The following MGA variants were observed in gnomAD, a reference collection of about 807,000 sequenced individuals.
MGA encodes MAX gene-associated protein.
Under a neutral mutation model 261.1 loss-of-function variants are expected in MGA, and 40 were observed. That is an observed-to-expected ratio of 0.15 (90% CI 0.12 to 0.20). The LOEUF (loss-of-function observed/expected upper bound fraction) is 0.20. Ranked by LOEUF, MGA falls within the 10% of genes least tolerant of loss-of-function variation. The pLI, the probability that MGA is intolerant of heterozygous loss-of-function variation, is 1.00. For missense variants in MGA, 3,397 were observed against 3,630.5 expected, an observed-to-expected ratio of 0.94 and a Z score of 1.65; for synonymous variants, 1,302 against 1,290.6, an observed-to-expected ratio of 1.01 and a Z score of -0.19.
At chr15:41,662,644 C>T (rs1020570648) in intron 1 of MGA, among the ~76,000 whole-genome samples, 21 of 152,118 alleles carry the variant, frequency 1.4e-4, no homozygotes, top group Admixed American at 1.3e-3. Context: ...CTGTCTTTGC[C>T]ACCATTTGCT....
intron 9 of MGA, among the ~76,000 whole-genome samples, chr15:41,715,137 C>CTTTTTTTTTTTT (rs766195852): frequency 8.0e-6 from 1 of 124,560 alleles, no homozygotes; most frequent in Non-Finnish European, 1.6e-5. Flanking sequence ...TGGTTTCTGT[C>CTTTTTTTTTTTT]TTTTTTTTTT....
At position 41,669,045 on chromosome 15, in the gene MGA, G is replaced by T; in HGVS notation, c.151G>T (p.Ala51Ser). The change falls in exon 2 of 24, where the codon GCT becomes TCT. Residue 51 changes from alanine (A) to serine (S), a missense_variant. By Grantham distance (99) the Ala-to-Ser change is moderately conservative (BLOSUM62 1). Coordinates refer to ENST00000219905, the MANE Select transcript of MGA (RefSeq NM_001164273.2). ...TACTAATCAGGATGCCTGTGCTTTG[G>T]CTAGTAGTGTGTCATCACCAGTAAA... 1 of 1,613,244 alleles carries T rather than the reference G, an allele frequency of 6.2e-7. No homozygotes were observed.
At chr15:41,699,007 A>G in intron 4 of MGA, 57 bp from the exon 5 acceptor site, 1 of 1,549,812 alleles carries the variant, frequency 6.5e-7, no homozygotes, top group Non-Finnish European at 8.8e-7. Context: ...AACATGCAAC[A>G]TTCATTTGTC....
At chr15:41,656,171 G>A (rs745902942), upstream of MGA, among the ~76,000 whole-genome samples, 1 of 152,212 alleles carries the variant, frequency 6.6e-6, no homozygotes, top group Middle Eastern at 3.4e-3. Flanking sequence ...GAGGGTTAGG[G>A]CAAGCGTCTT....
intron 13 of MGA, among the ~76,000 whole-genome samples, chr15:41,737,661 C>T (rs1161166203): frequency 2.0e-5 from 3 of 152,002 alleles, no homozygotes; most frequent in African/African-American, 7.2e-5. Context: ...TGAAAAGAGA[C>T]GTTCTGAATT....
At chr15:41,703,297 A>G (rs551022722) in intron 5 of MGA, among the ~76,000 whole-genome samples, 5 of 150,448 alleles carry the variant, frequency 3.3e-5, no homozygotes, top group African/African-American at 1.2e-4. Context: ...ATACATTAAC[A>G]TGATTTATCA....
At chr15:41,657,564 C>G (rs2057232609), upstream of MGA, among the ~76,000 whole-genome samples, 1 of 151,394 alleles carries the variant, frequency 6.6e-6, no homozygotes, top group Non-Finnish European at 1.5e-5. Flanking sequence ...CCATGTTGGC[C>G]AGACTGGTCT....
chr15:41,668,745 T>C lies in MGA; in HGVS notation c.-67-83T>C, dbSNP rs188709731. The C allele has an allele frequency of 7.8e-5, 40 of 515,586 alleles. No homozygotes were observed. In the East Asian group the frequency reaches 1.2e-3, roughly 15 times the overall value. 31.9% of individuals were successfully genotyped at this position (515,586 alleles called of 1,614,324 possible). A position where few individuals can be genotyped will look rare whatever the true frequency, so the allele number is the denominator to read the frequency against. On this transcript the variant is annotated intron_variant, in intron 1 of 23. Coordinates refer to ENST00000219905, the MANE Select transcript of MGA (RefSeq NM_001164273.2). ...AATATTTTGGGGATAACATAATCGTTCTTGTATTTTTGTTCAAGAAATAAA... is the reference window on the plus strand; with the variant it reads ...AATATTTTGGGGATAACATAATCGTCCTTGTATTTTTGTTCAAGAAATAAA...
intron 1 of MGA, among the ~76,000 whole-genome samples, chr15:41,642,793 A>G (rs557818269): frequency 2.7e-5 from 4 of 149,904 alleles, no homozygotes; most frequent in Admixed American, 1.3e-4. Context: ...TATTTTTAGT[A>G]GAGATGGGGT....
chr15:41,755,358 C>G (rs1292565485), intron 18 of MGA, among the ~76,000 whole-genome samples: 2 of 152,096 alleles, frequency 1.3e-5, no homozygotes, highest in African/African-American at 4.8e-5. Flanking sequence ...TTCTTCAGTC[C>G]GGAGCTGTTT....
At chr15:41,732,190 C>A (rs1451692928) in intron 11 of MGA, among the ~76,000 whole-genome samples, 1 of 151,744 alleles carries the variant, frequency 6.6e-6, no homozygotes, top group Non-Finnish European at 1.5e-5. Context: ...GCTCTGTCCC[C>A]CAGGCTGGAG....
intron 2 of MGA, among the ~76,000 whole-genome samples, chr15:41,686,522 T>A (rs568784939): frequency 1.3e-5 from 2 of 151,872 alleles, no homozygotes; most frequent in Admixed American, 1.3e-4. Flanking sequence ...AGTGAGATGC[T>A]GTCTTAAAAA....
In MGA at chr15:41,769,298, C is replaced by A. The variant is rs534600557; in HGVS notation, c.*2018C>A. 1.2e-4 allele frequency: 14 copies of A among 117,672 alleles called. No homozygotes were observed. The highest frequency in any genetic ancestry group is 3.8e-4 in the African/African-American group (12 of 31,326). 7.3% of individuals were successfully genotyped at this position (117,672 alleles called of 1,614,324 possible). On this transcript the variant is annotated 3_prime_UTR_variant, in exon 24 of 24. Coordinates refer to ENST00000219905, the MANE Select transcript of MGA (RefSeq NM_001164273.2). ...GAAGGACCATTTTAGCTTAACACTT[C>A]CTTTTTTTTTTTTTTTTTTTTAAGA...
chr15:41,697,158 A>G (rs1348311170), intron 3 of MGA, 135 bp downstream of exon 3: 1 of 706,174 alleles, frequency 1.4e-6, no homozygotes, highest in East Asian at 2.7e-5. Context: ...TGGAGTTGGG[A>G]GGGAAGTGTC....
At chr15:41,655,734 T>C (rs181882478), upstream of MGA, among the ~76,000 whole-genome samples, 3 of 152,184 alleles carry the variant, frequency 2.0e-5, no homozygotes, top group Admixed American at 6.5e-5. Context: ...CCTGTCAACA[T>C]TTATCTATTC....
At position 41,699,164 on chromosome 15, in the gene MGA, T is replaced by C. The variant is rs2059700239; in HGVS notation, c.2188+5T>C. The C allele has an allele frequency of 6.5e-7, 1 of 1,546,916 alleles. No individual in the cohort carries two copies. Among genetic ancestry groups the C allele is most frequent in the Non-Finnish European group, 8.7e-7 (1 of 1,145,874 alleles). On this transcript the variant is annotated splice_donor_5th_base_variant and intron_variant, in intron 5 of 23. Coordinates refer to ENST00000219905, the MANE Select transcript of MGA (RefSeq NM_001164273.2). ...TACATCCTGGTCTTCAAGAAGGTAA[T>C]AGACTAGCGACTTCTTTTTTTTTGT... is the stretch of plus-strand genomic sequence containing the variant.
At chr15:41,736,825 T>G (rs2151798588) in intron 13 of MGA, 127 bp downstream of exon 13, 2 of 1,084,944 alleles carry the variant, frequency 1.8e-6, no homozygotes, top group South Asian at 3.9e-5. Flanking sequence ...GGTGACAAAA[T>G]TATTATCTCT....
chr15:41,686,458 C>T (rs998674989), intron 2 of MGA, among the ~76,000 whole-genome samples: 23 of 152,054 alleles, frequency 1.5e-4, no homozygotes, highest in African/African-American at 4.8e-4. Context: ...TTGAGTTGAG[C>T]CTGGGAGGTT....
In MGA at chr15:41,752,682, G is replaced by A. The variant is rs536768397; in HGVS notation, c.7009-1755G>A. Among the ~76,000 whole-genome samples, 6 of 151,032 alleles carry A rather than the reference G, an allele frequency of 4.0e-5. No individual in the cohort carries two copies. In the South Asian group the frequency reaches 1.3e-3, roughly 32 times the overall value. On this transcript the variant is annotated intron_variant, in intron 17 of 23. Transcript: ENST00000219905. The stretch of plus-strand genomic sequence containing the variant: ...CGATTCTTCTGCCTCAGCCTCCCGA[G>A]TAGCTTGGGATTACAGGTGGGCACC...
Sources: gnomAD v4.1 joint callset for allele counts (sites outside exome capture counted in the v4.1 genomes callset) on GRCh38, gnomAD v4.1.1 for gene constraint, MANE v1.5 for transcripts, NCBI Gene and HGNC (gene_info 2026-07-23, HGNC 2026-07-21) for gene names.